Variants in GOLGA3 observed in about 807,000 individuals in gnomAD.
GOLGA3 encodes golgin A3.
Under a neutral mutation model 169.4 loss-of-function variants are expected in GOLGA3, and 75 were observed. The observed-to-expected ratio is 0.44, with a 90% CI of 0.37 to 0.54. The LOEUF (loss-of-function observed/expected upper bound fraction) is 0.54. Among genes scored for constraint, GOLGA3 ranks in the 20% least tolerant of loss-of-function variants. GOLGA3 has a pLI of 0.00. For synonymous variants in GOLGA3, 824 were observed against 822.4 expected (o/e 1.00, Z -0.03); for missense variants, 1,899 against 1,930.0 (o/e 0.98, Z 0.30).
chr12:132,816,355 C>G (rs1949959415), intron 3 of GOLGA3, among the ~76,000 whole-genome samples, 185 bp downstream of exon 3: 2 of 152,248 alleles, frequency 1.3e-5, no homozygotes, highest in Admixed American at 6.5e-5. Context: ...TTGACTCCAC[C>G]TGCATCTTCA....
intron 3 of GOLGA3, among the ~76,000 whole-genome samples, chr12:132,814,852 G>T (rs1166587329): frequency 6.6e-6 from 1 of 152,242 alleles, no homozygotes; most frequent in African/African-American, 2.4e-5. Context: ...TGTAGGTGAT[G>T]AAAGAGTTGC....
In GOLGA3 at chr12:132,809,395, TAAACTCC is replaced by T. The variant is rs1248502366; in HGVS notation, c.520-853_520-847del. On this transcript the variant is annotated intron_variant, in intron 4 of 23. Coordinates refer to ENST00000450791, the MANE Select transcript of GOLGA3 (RefSeq NM_001389683.1). ...AGAGGTGGAGGAGCAGAGTCTTCTC[TAAACTCC>T]CCCGGGGAAAGGGAGACACCAACCC... Among the ~76,000 whole-genome samples the T allele has an allele frequency of 4.6e-5, 7 of 152,248 alleles. No individual in the cohort carries two copies. In the East Asian group the frequency reaches 9.7e-4, roughly 21 times the overall value.
chr12:132,787,103 G>A (rs903222033), intron 13 of GOLGA3, among the ~76,000 whole-genome samples: 6 of 151,988 alleles, frequency 3.9e-5, no homozygotes, highest in Admixed American at 2.6e-4. Context: ...ACAGGTGCCC[G>A]CCACCATGCC....
chr12:132,805,029 A>AG lies in GOLGA3; in HGVS notation c.1291-8dup. 2 of 1,602,284 alleles carry AG rather than the reference A, an allele frequency of 1.2e-6. No homozygotes were observed. Among genetic ancestry groups the AG allele is most frequent in the Non-Finnish European group, 1.7e-6 (2 of 1,177,182 alleles). On this transcript the variant is annotated splice_region_variant and splice_polypyrimidine_tract_variant and intron_variant, in intron 6 of 23. Transcript: ENST00000450791. ...CAGCCTTCTCTTTAAGTGCCTGAAAAGATCCCAACAACCACAATGATTTTA... is the reference window on the plus strand; with the variant it reads ...CAGCCTTCTCTTTAAGTGCCTGAAAAGGATCCCAACAACCACAATGATTTTA...
rs1158555668 is a variant in GOLGA3 at position 132,804,536 on chromosome 12, A to C, written c.1597+180T>G. Among the ~76,000 whole-genome samples, 1 of 151,542 alleles carries C rather than the reference A, an allele frequency of 6.6e-6. No individual in the cohort carries two copies. The highest frequency in any genetic ancestry group is 1.5e-5 in the Non-Finnish European group (1 of 67,910). On this transcript the variant is annotated intron_variant, in intron 7 of 23. Coordinates refer to ENST00000450791, the MANE Select transcript of GOLGA3 (RefSeq NM_001389683.1). The surrounding 1 kb of genome is among the most constrained non-coding windows in gnomAD (Gnocchi z 4.1). ...CGTGGCGAGGACCAGTCAGGGAAGG[A>C]GGGCGTGGCGGGGACCAGTCGAGGA...
chr12:132,820,661 C>T (rs577115891), intron 2 of GOLGA3, among the ~76,000 whole-genome samples: 2 of 152,180 alleles, frequency 1.3e-5, no homozygotes, highest in Non-Finnish European at 2.9e-5. Context: ...GGCATGAGAA[C>T]TGAGTGAATA....
chr12:132,803,632 T>C (rs537441584), intron 7 of GOLGA3, among the ~76,000 whole-genome samples: 3 of 152,286 alleles, frequency 2.0e-5, no homozygotes, highest in Non-Finnish European at 4.4e-5. Context: ...AGGACTAAAA[T>C]ATTAAAGCGA....
At chr12:132,776,861 G>C in intron 20 of GOLGA3, 97 bp downstream of exon 20, 1 of 1,548,262 alleles carries the variant, frequency 6.5e-7, no homozygotes, top group Non-Finnish European at 8.7e-7. Flanking sequence ...ACCATATTCA[G>C]AAAACCATCA....
rs561075484 is a variant in GOLGA3, at chr12:132,823,686, C to G, written c.-183-1375G>C. 1.1e-4 allele frequency among the ~76,000 whole-genome samples: 16 copies of G among 152,084 alleles called. No individual in the cohort carries two copies. In the East Asian group the frequency reaches 2.9e-3, roughly 28 times the overall value. Reference sequence around the variant, plus strand: ...CCTGTAATCCCAGCTACTTGGGAGCCTGAGGCAGGAGAATCACTTGAACCT... The same window carrying G: ...CCTGTAATCCCAGCTACTTGGGAGCGTGAGGCAGGAGAATCACTTGAACCT... On this transcript the variant is annotated intron_variant, in intron 1 of 23. Transcript: ENST00000450791.
At position 132,775,192 on chromosome 12, in the gene GOLGA3, G is replaced by A. The variant is rs369506890; in HGVS notation, c.4092C>T (p.Leu1364=). Residue 1364 remains leucine (L), a synonymous_variant, in exon 22 of 24, where the codon CTC becomes CTT. Transcript: ENST00000450791. ...SELKNNMKTL[L]QQNQQLKLDL... ...CCAGCTTGAGCTGCTGGTTCTGCTG[G>A]AGCAGGGTCTTCATGTTGTTCTTCA... The A allele has an allele frequency of 2.0e-5, 32 of 1,614,078 alleles. No homozygotes were observed. The Admixed American group carries it at 2.8e-4, about 14-fold the overall frequency.
intron 1 of GOLGA3, chr12:132,828,434 C>T (rs1173755474): frequency 6.6e-6 from 1 of 152,356 alleles, no homozygotes; most frequent in Non-Finnish European, 1.5e-5. Context: ...CCCCGACTTC[C>T]CACGAACCAC....
At chr12:132,802,485 C>G (rs746729245) in intron 7 of GOLGA3, among the ~76,000 whole-genome samples, 2 of 151,812 alleles carry the variant, frequency 1.3e-5, no homozygotes, top group Admixed American at 1.3e-4. Flanking sequence ...ATTAGCCAGG[C>G]GGGGTGGCAT....
intron 11 of GOLGA3, 83 bp downstream of exon 11, chr12:132,795,765 AAAAG>A (rs1233527067): frequency 1.3e-4 from 189 of 1,410,288 alleles, no homozygotes; most frequent in Admixed American, 4.0e-4. Context: ...TTTCAAAAAA[AAAAG>A]AAAGAAAGAA....
chr12:132,790,448 C>T (rs1333668549), intron 12 of GOLGA3, among the ~76,000 whole-genome samples: 1 of 152,212 alleles, frequency 6.6e-6, no homozygotes, highest in Non-Finnish European at 1.5e-5. Context: ...CACCCTTGCT[C>T]AGATCCCATA....
intron 22 of GOLGA3, 169 bp from the exon 23 acceptor site, chr12:132,774,489 A>G (rs1012587542): frequency 1.8e-5 from 12 of 662,990 alleles, no homozygotes; most frequent in Non-Finnish European, 3.1e-5. Context: ...CCGGAGCTCC[A>G]GAATAGCTGG....
In GOLGA3 at chr12:132,817,265, A is replaced by AAGGTGAACCCACCCTCCACACCTCCACG. The variant is rs1566140831; in HGVS notation, c.134-454_134-453insCGTGGAGGTGTGGAGGGTGGGTTCACCT. ...GTGAACCCCCCCTCCACACCTCCAC[A>AAGGTGAACCCACCCTCCACACCTCCACG]CTCTAACGTGAACCCGCCCTCCACT... On this transcript the variant is annotated intron_variant, in intron 2 of 23. Transcript: ENST00000450791. 6.2e-3 allele frequency among the ~76,000 whole-genome samples: 14 copies of AAGGTGAACCCACCCTCCACACCTCCACG among 2,272 alleles called. 4 individuals carry two copies. Among genetic ancestry groups the AAGGTGAACCCACCCTCCACACCTCCACG allele is most frequent in the Non-Finnish European group, 0.011 (13 of 1,178 alleles). The allele number at this position is 2,272 out of a possible 152,430, so 1.5% of individuals were successfully genotyped here. A position where few individuals can be genotyped will look rare whatever the true frequency, so the allele number is the denominator to read the frequency against.
chr12:132,809,658 C>T (rs1428521144), intron 4 of GOLGA3, among the ~76,000 whole-genome samples: 1 of 152,154 alleles, frequency 6.6e-6, no homozygotes, highest in Non-Finnish European at 1.5e-5. Flanking sequence ...CCCCTCAGCT[C>T]CTATCTCTGT....
chr12:132,816,587 G>A lies in GOLGA3; in HGVS notation c.359C>T (p.Ala120Val), dbSNP rs1336152160. The part of the protein sequence containing the change: ...TSAEGSVRKE[A>V]LQSLRLSLPM... The stretch of plus-strand genomic sequence containing the variant: ...AAGACTGAGTCTGAGAGACTGCAAA[G>A]CTTCTTTTCTAACACTGCCCTCAGC... The change falls in exon 3 of 24, where the codon GCT becomes GTT. Residue 120 changes from alanine (A) to valine (V), a missense_variant. Transcript: ENST00000450791. 3 of 1,614,100 alleles carry A rather than the reference G, an allele frequency of 1.9e-6. No homozygotes were observed. Among genetic ancestry groups the A allele is most frequent in the Non-Finnish European group, 2.5e-6 (3 of 1,179,976 alleles).
Position 132,791,236 on chromosome 12 carries a change from C to G in GOLGA3, c.2527G>C (p.Glu843Gln), listed in dbSNP as rs745936832. 1.2e-6 allele frequency: 2 copies of G among 1,601,712 alleles called. No homozygotes were observed. Among genetic ancestry groups the G allele is most frequent in the Non-Finnish European group, 1.7e-6 (2 of 1,169,620 alleles). Reference protein sequence around the residue: ...ALKKQMQKIKEQFLQQKVMVE... With the variant: ...ALKKQMQKIKQQFLQQKVMVE... The stretch of plus-strand genomic sequence containing the variant: ...TTTACCTTTTGTTGGAGAAACTGTT[C>G]CTTTATTTTTTGCATTTGCTTTTTC... The change falls in exon 12 of 24, where the codon GAA (glutamate) becomes CAA (glutamine). Residue 843 changes from glutamate to glutamine, a missense_variant. Coordinates refer to ENST00000450791, the MANE Select transcript of GOLGA3 (RefSeq NM_001389683.1).
Sources: allele counts gnomAD v4.1 joint callset (sites outside exome capture counted in the v4.1 genomes callset), GRCh38; gene constraint gnomAD v4.1.1; non-coding constraint Gnocchi (gnomAD v3.1); transcripts MANE v1.5; gene names NCBI Gene and HGNC (gene_info 2026-07-23, HGNC 2026-07-21).